PDE8B: variants seen among roughly 807,000 people sequenced by gnomAD.
PDE8B encodes phosphodiesterase 8B.
A neutral mutation model predicts 101.3 loss-of-function variants in PDE8B; 26 were observed. The ratio of observed to expected loss-of-function variants is 0.26; its 90% CI spans 0.19 to 0.36. The LOEUF is 0.36. Among genes scored for constraint, PDE8B ranks in the 10% least tolerant of loss-of-function variants. The pLI is 1.00. For synonymous variants in PDE8B, 424 were observed against 429.3 expected (o/e 0.99, Z 0.15); for missense variants, 810 against 1,163.1 (o/e 0.70, Z 4.42).
intron 1 of PDE8B, among the ~76,000 whole-genome samples, chr5:77,216,268 C>T (rs1387583993): frequency 6.6e-6 from 1 of 152,172 alleles, no homozygotes; most frequent in Admixed American, 6.5e-5. Flanking sequence ...GTGTATTAGT[C>T]TGTTTCACGC....
chr5:77,384,318 A>G lies in PDE8B; in HGVS notation c.1168-15930A>G, dbSNP rs1788114589. Among the ~76,000 whole-genome samples the G allele has an allele frequency of 3.3e-5, 5 of 152,276 alleles. No individual in the cohort carries two copies. In the South Asian group the frequency reaches 1.0e-3, roughly 32 times the overall value. On this transcript the variant is annotated intron_variant, in intron 10 of 21. Transcript: ENST00000264917. ...GTATAGGAATGCTTGTGATTTTTGC[A>G]CATTGATTTTGTATCCTGAGACTTT... is the stretch of plus-strand genomic sequence containing the variant.
At chr5:77,212,644 T>C (rs1446742351) in intron 1 of PDE8B, among the ~76,000 whole-genome samples, 3 of 152,196 alleles carry the variant, frequency 2.0e-5, no homozygotes, top group Admixed American at 2.0e-4. Flanking sequence ...GCATAGCATG[T>C]CTGAAGACTA....
chr5:77,290,515 G>A, intron 1 of PDE8B: 1 of 1,471,630 alleles, frequency 6.8e-7, no homozygotes, highest in Non-Finnish European at 9.5e-7. Flanking sequence ...CCAAAACGAG[G>A]AGAAATAGTA....
chr5:77,249,317 G>C (rs902739489), intron 1 of PDE8B, among the ~76,000 whole-genome samples: 3 of 152,202 alleles, frequency 2.0e-5, no homozygotes, highest in African/African-American at 7.2e-5. Flanking sequence ...TTAATTCTCA[G>C]AGTAGTGCTA....
intron 1 of PDE8B, among the ~76,000 whole-genome samples, chr5:77,242,415 A>G (rs551858767): frequency 1.3e-5 from 2 of 152,370 alleles, no homozygotes; most frequent in South Asian, 4.1e-4. Flanking sequence ...TTCAAAGGAC[A>G]ATAGTTGTGC....
chr5:77,398,267 TAAA>T (rs78004093), intron 10 of PDE8B, among the ~76,000 whole-genome samples: 1 of 139,254 alleles, frequency 7.2e-6, no homozygotes, highest in African/African-American at 2.6e-5. Flanking sequence ...GTAGGGCCCT[TAAA>T]AAAAAAAAAC....
chr5:77,112,190 A>G, the PDE8B span: 1 of 152,178 alleles, frequency 6.6e-6, no homozygotes, highest in African/African-American at 2.4e-5. Context: ...TGGCTACTGT[A>G]CTGGACAGCA....
chr5:77,422,120 C>CT, intron 20 of PDE8B, 132 bp downstream of exon 20: 1 of 979,740 alleles, frequency 1.0e-6, no homozygotes, highest in South Asian at 1.4e-5. Context: ...AAGAAAGCAG[C>CT]TTACCCCCAC....
rs150030098 is a variant in PDE8B, at chr5:77,387,840, A to T, written c.1168-12408A>T. On this transcript the variant is annotated intron_variant, in intron 10 of 21. Transcript: ENST00000264917. ...TTCTTTAGTTGATCTTCAATCTCTG[A>T]TATCCTTTTTTCTGCTTGATCAATT... is the stretch of plus-strand genomic sequence containing the variant. 3.4e-3 allele frequency among the ~76,000 whole-genome samples: 519 copies of T among 151,510 alleles called. 5 individuals are homozygous for T. Among genetic ancestry groups the T allele is most frequent in the African/African-American group, 0.012 (479 of 41,230 alleles).
chr5:77,412,810 G>T (rs1794823908), intron 16 of PDE8B, among the ~76,000 whole-genome samples: 1 of 152,112 alleles, frequency 6.6e-6, no homozygotes, highest in Non-Finnish European at 1.5e-5. Flanking sequence ...TAATGTGGAA[G>T]TGGGGATGGA....
chr5:77,218,760 T>C (rs1459073242), intron 1 of PDE8B, among the ~76,000 whole-genome samples: 1 of 152,242 alleles, frequency 6.6e-6, no homozygotes, highest in Non-Finnish European at 1.5e-5. Flanking sequence ...CCTGACACTT[T>C]GTAAGTGCTG....
the PDE8B span, among the ~76,000 whole-genome samples, chr5:77,123,197 G>A: frequency 6.6e-6 from 1 of 152,206 alleles, no homozygotes; most frequent in African/African-American, 2.4e-5. Flanking sequence ...CTATTGGTAG[G>A]CAATCTCTGC....
intron 1 of PDE8B, among the ~76,000 whole-genome samples, chr5:77,244,902 C>T (rs1756549044): frequency 6.6e-6 from 1 of 152,158 alleles, no homozygotes; most frequent in African/African-American, 2.4e-5. Flanking sequence ...AAAAACTTGT[C>T]ATCCAGGGCA....
the PDE8B span, among the ~76,000 whole-genome samples, chr5:77,123,515 T>C: frequency 6.6e-6 from 1 of 152,238 alleles, no homozygotes; most frequent in South Asian, 2.1e-4. Context: ...CCCAGCACTT[T>C]GGGAGGCTGA....
chr5:77,207,534 A>AT (rs926173726), upstream of PDE8B, among the ~76,000 whole-genome samples: 4 of 149,118 alleles, frequency 2.7e-5, no homozygotes, highest in African/African-American at 9.7e-5. Context: ...CCACTTAATT[A>AT]TTTTTTTAAT....
chr5:77,303,284 A>G (rs968006281), intron 1 of PDE8B, among the ~76,000 whole-genome samples: 1 of 152,174 alleles, frequency 6.6e-6, no homozygotes, highest in Admixed American at 6.5e-5. Flanking sequence ...TCATGCCTGT[A>G]ATCCCAGCAC....
chr5:77,229,513 G>A (rs540235130), intron 1 of PDE8B, among the ~76,000 whole-genome samples: 1 of 152,264 alleles, frequency 6.6e-6, no homozygotes, highest in East Asian at 1.9e-4. Context: ...TTACTATGTT[G>A]TAAAACCATT....
intron 1 of PDE8B, among the ~76,000 whole-genome samples, chr5:77,233,089 G>A (rs895662926): frequency 2.0e-5 from 3 of 152,010 alleles, no homozygotes; most frequent in African/African-American, 7.3e-5. Context: ...AGTGCTGTGG[G>A]CTTTTATTAC....
chr5:77,126,683 A>T, the PDE8B span, among the ~76,000 whole-genome samples: 5 of 152,192 alleles, frequency 3.3e-5, no homozygotes, highest in Non-Finnish European at 2.9e-5. Context: ...GCCTCCAAAA[A>T]TGTTGGGATT....
Sources: allele counts gnomAD v4.1 joint callset (sites outside exome capture counted in the v4.1 genomes callset), GRCh38; gene constraint gnomAD v4.1.1; transcripts MANE v1.5; gene names NCBI Gene and HGNC (gene_info 2026-07-23, HGNC 2026-07-21).